Variants in ALDH18A1 observed in about 807,000 individuals in gnomAD.
The protein encoded by ALDH18A1 is delta-1-pyrroline-5-carboxylate synthase.
Under a neutral mutation model 88.8 loss-of-function variants are expected in ALDH18A1, and 44 were observed. That is an observed-to-expected ratio of 0.50 (90% CI 0.39 to 0.64). The LOEUF is 0.64. Ranked by LOEUF, ALDH18A1 falls within the 30% of genes least tolerant of loss-of-function variation. The probability of loss-of-function intolerance (pLI) is 0.00; values close to 1 mark genes in which losing one functional copy is unlikely to be tolerated. For synonymous variants in ALDH18A1, 331 were observed against 372.1 expected (o/e 0.89, Z 1.27); for missense variants, 782 against 1,009.5 (o/e 0.77, Z 3.05).
At chr10:95,650,603 C>T (rs952426383) in intron 2 of ALDH18A1, among the ~76,000 whole-genome samples, 1 of 152,176 alleles carries the variant, frequency 6.6e-6, no homozygotes, top group African/African-American at 2.4e-5. Context: ...ATTTTGCACA[C>T]AACAGCTCCC....
intron 9 of ALDH18A1, 92 bp from the exon 10 acceptor site, chr10:95,626,868 G>A (rs2097861137): frequency 1.6e-6 from 2 of 1,289,554 alleles, no homozygotes; most frequent in South Asian, 2.4e-5. Context: ...ACATGCACAA[G>A]CTCATCACGC....
chr10:95,634,312 C>T lies in ALDH18A1; in HGVS notation c.559-663G>A, dbSNP rs181917747. Among the ~76,000 whole-genome samples the T allele has an allele frequency of 2.6e-5, 4 of 152,066 alleles. No individual in the cohort carries two copies. The East Asian group carries it at 7.7e-4, about 29-fold the overall frequency. On this transcript the variant is annotated intron_variant, in intron 5 of 17. Transcript: ENST00000371224. Reference sequence around the variant, plus strand: ...ATAGAGAGGGTCTTACTCTGTTGTCCACGCTGGACTTGAACTCCTACTCTC... The same window carrying T: ...ATAGAGAGGGTCTTACTCTGTTGTCTACGCTGGACTTGAACTCCTACTCTC...
rs1405015772 is a variant in ALDH18A1 at position 95,628,500 on chromosome 10, A to T, written c.809-8T>A. 1.9e-6 allele frequency: 3 copies of T among 1,612,342 alleles called. No homozygotes were observed. Among genetic ancestry groups the T allele is most frequent in the Non-Finnish European group, 2.5e-6 (3 of 1,179,902 alleles). On this transcript the variant is annotated splice_region_variant and splice_polypyrimidine_tract_variant and intron_variant, in intron 7 of 17. Transcript: ENST00000371224. ...GGGGGCTGTCAAAAAGGCCTAAAAA[A>T]TAGACAAGAGTCAGTAATACTGCTT...
At position 95,614,084 on chromosome 10, in the gene ALDH18A1, G is replaced by C; in HGVS notation, c.1683C>G (p.Ser561=). Residue 561 remains serine (S), a synonymous_variant, in exon 14 of 18, where the codon TCC becomes TCG. Transcript: ENST00000371224. ...MIDLIIPRGS[S]QLVRDIQKAA... Reference sequence around the variant, plus strand: ...CTTTCTGGATGTCTCTGACCAGCTGGGAAGAGCCACGTGGAATGATCAGAT... The same window carrying C: ...CTTTCTGGATGTCTCTGACCAGCTGCGAAGAGCCACGTGGAATGATCAGAT... 2.5e-6 allele frequency: 4 copies of C among 1,614,122 alleles called. No homozygotes were observed. The highest frequency in any genetic ancestry group is 3.4e-6 in the Non-Finnish European group (4 of 1,180,024).
At chr10:95,610,113 G>C (rs1269917702) in intron 17 of ALDH18A1, 84 bp downstream of exon 17, 1 of 1,290,910 alleles carries the variant, frequency 7.7e-7, no homozygotes, top group Non-Finnish European at 1.1e-6. Context: ...GTCAAGGGGA[G>C]GTGTCTTTCC....
intron 5 of ALDH18A1, among the ~76,000 whole-genome samples, chr10:95,635,523 C>T (rs1243519296): frequency 1.3e-5 from 2 of 152,162 alleles, no homozygotes; most frequent in African/African-American, 4.8e-5. Context: ...ACCTGGCAAA[C>T]CACCTACTGG....
At chr10:95,633,870 G>A (rs1187693794) in intron 5 of ALDH18A1, among the ~76,000 whole-genome samples, 2 of 126,896 alleles carry the variant, frequency 1.6e-5, no homozygotes, top group Admixed American at 1.9e-4. Context: ...AGGCCGTAAT[G>A]CAGTGGCATA....
At chr10:95,616,681 T>C (rs1436311624) in intron 12 of ALDH18A1, 67 bp from the exon 13 acceptor site, 1 of 1,553,870 alleles carries the variant, frequency 6.4e-7, no homozygotes, top group Non-Finnish European at 8.7e-7. Flanking sequence ...GATGTTAGCA[T>C]TCACAAGCAC....
chr10:95,616,581 A>G lies in ALDH18A1; in HGVS notation c.1501T>C (p.Leu501=), dbSNP rs2097844639. ...GCCTCCTTCCCTCCTTTGAGTAACA[A>G]GCCATTGCCACTTGCGATAGCCAAA... ...AALAIASGNG[L]LLKGGKEAAH... Residue 501 remains leucine, a synonymous_variant, in exon 13 of 18, where the codon TTG becomes CTG. Transcript: ENST00000371224. The G allele has an allele frequency of 1.2e-6, 2 of 1,606,620 alleles. No individual in the cohort carries two copies. Among genetic ancestry groups the G allele is most frequent in the Non-Finnish European group, 1.7e-6 (2 of 1,176,754 alleles).
intron 8 of ALDH18A1, 90 bp from the exon 9 acceptor site, chr10:95,627,676 A>G: frequency 1.4e-6 from 2 of 1,457,008 alleles, no homozygotes; most frequent in Non-Finnish European, 9.6e-7. Context: ...ATACAAGTTG[A>G]TATTGAACAA....
At position 95,606,410 on chromosome 10, in the gene ALDH18A1, T is replaced by C; in HGVS notation, c.*352A>G. On this transcript the variant is annotated 3_prime_UTR_variant, in exon 18 of 18. Transcript: ENST00000371224. ...AAGGATGACTGGCTCTAGTACCAACTAAATGCCAAGGGGGACTGTAAGTCA... is the reference window on the plus strand; with the variant it reads ...AAGGATGACTGGCTCTAGTACCAACCAAATGCCAAGGGGGACTGTAAGTCA... 1 of 1,147,552 alleles carries C rather than the reference T, an allele frequency of 8.7e-7. No individual in the cohort carries two copies. Among genetic ancestry groups the C allele is most frequent in the Non-Finnish European group, 1.1e-6 (1 of 927,558 alleles). 71.1% of individuals were successfully genotyped at this position (1,147,552 alleles called of 1,614,324 possible). A position where few individuals can be genotyped will look rare whatever the true frequency, so the allele number is the denominator to read the frequency against.
chr10:95,611,545 G>T, intron 15 of ALDH18A1, 103 bp from the exon 16 acceptor site: 1 of 1,366,822 alleles, frequency 7.3e-7, no homozygotes, highest in South Asian at 1.2e-5. Context: ...AGCCCAAAGT[G>T]GCTCCTGTAG....
chr10:95,611,519 G>A, intron 15 of ALDH18A1, 77 bp from the exon 16 acceptor site: 1 of 1,556,570 alleles, frequency 6.4e-7, no homozygotes, highest in Non-Finnish European at 8.9e-7. Context: ...ACAGAAAGGT[G>A]AGCCTGTAAA....
Position 95,616,583 on chromosome 10 carries a change from C to T in ALDH18A1, c.1499G>A (p.Gly500Asp), listed in dbSNP as rs1194593234. The T allele has an allele frequency of 6.2e-7, 1 of 1,606,818 alleles. No individual in the cohort carries two copies. The highest frequency in any genetic ancestry group is 8.5e-7 in the Non-Finnish European group (1 of 1,176,788). The change falls in exon 13 of 18, where the codon GGC becomes GAC. Residue 500 changes from glycine (G) to aspartate (D), a missense_variant. Gly to Asp is a moderately conservative substitution (Grantham distance 94, BLOSUM62 -1). Around this residue, in one of 3 missense-constraint regions of ALDH18A1, gnomAD observed 556 missense variants for 654.5 expected, o/e 0.85. Coordinates refer to ENST00000371224, the MANE Select transcript of ALDH18A1 (RefSeq NM_002860.4). ...VAALAIASGNGLLLKGGKEAA... is the reference protein window; with the variant it reads ...VAALAIASGNDLLLKGGKEAA... Reference sequence around the variant, plus strand: ...CTCCTTCCCTCCTTTGAGTAACAAGCCATTGCCACTTGCGATAGCCAAAGC... The same window carrying T: ...CTCCTTCCCTCCTTTGAGTAACAAGTCATTGCCACTTGCGATAGCCAAAGC...
At chr10:95,619,511 G>A (rs1231261221) in intron 12 of ALDH18A1, among the ~76,000 whole-genome samples, 1 of 152,170 alleles carries the variant, frequency 6.6e-6, no homozygotes, top group Admixed American at 6.6e-5. Context: ...CAAAGCTGGA[G>A]GCATCATGCT....
At chr10:95,624,147 T>C (rs2097857230) in intron 11 of ALDH18A1, among the ~76,000 whole-genome samples, 1 of 152,256 alleles carries the variant, frequency 6.6e-6, no homozygotes, top group African/African-American at 2.4e-5. Flanking sequence ...TAAAGACCTA[T>C]TTTCTTTAGA....
In ALDH18A1 at chr10:95,616,531, G is replaced by T. The variant is rs185313265; in HGVS notation, c.1551C>A (p.His517Gln). 9 of 1,586,442 alleles carry T rather than the reference G, an allele frequency of 5.7e-6. No homozygotes were observed. The Admixed American group carries it at 1.6e-4, about 29-fold the overall frequency. Residue 517 changes from histidine to glutamine, a missense_variant, in exon 13 of 18, where the codon CAC becomes CAA. Physicochemically the swap from His to Gln is conservative, Grantham distance 24. Around this residue, in one of 3 missense-constraint regions of ALDH18A1, gnomAD observed 556 missense variants for 654.5 expected, o/e 0.85. Coordinates refer to ENST00000371224, the MANE Select transcript of ALDH18A1 (RefSeq NM_002860.4). ...KEAAHSNRIL[H>Q]LLTQEALSIH... ...TTGAGAGAGCCTCCTGGGTCAGGAG[G>T]TGGAGAATCCGGTTGCTGTGTGCAG...
chr10:95,644,943 A>G (rs557708409), intron 2 of ALDH18A1, among the ~76,000 whole-genome samples: 1 of 152,284 alleles, frequency 6.6e-6, no homozygotes, highest in African/African-American at 2.4e-5. Context: ...TGGACTGCCT[A>G]CCTTCTTGCA....
chr10:95,649,491 A>G (rs1275915439), intron 2 of ALDH18A1, among the ~76,000 whole-genome samples: 1 of 150,800 alleles, frequency 6.6e-6, no homozygotes, highest in Non-Finnish European at 1.5e-5. Flanking sequence ...AGCAGCTGGG[A>G]CTACAGGCAC....
Sources: allele counts gnomAD v4.1 joint callset (sites outside exome capture counted in the v4.1 genomes callset), GRCh38; gene constraint gnomAD v4.1.1; regional missense constraint gnomAD v4.1.1; transcripts MANE v1.5; gene names NCBI Gene and HGNC (gene_info 2026-07-23, HGNC 2026-07-21).